The following PRKCB variants were observed in gnomAD, a reference collection of about 807,000 sequenced individuals.
The protein encoded by PRKCB is protein kinase C beta, also known as protein kinase C beta type.
Under a neutral mutation model 81.5 loss-of-function variants are expected in PRKCB, and 13 were observed. The ratio of observed to expected loss-of-function variants is 0.16; its 90% CI spans 0.10 to 0.25. The LOEUF is 0.25. Among genes scored for constraint, PRKCB ranks in the 10% least tolerant of loss-of-function variants. PRKCB has a pLI of 1.00. For missense variants in PRKCB, 509 were observed against 875.7 expected (o/e 0.58, Z 5.29); for synonymous variants, 335 against 321.4 (o/e 1.04, Z -0.45).
At chr16:24,135,030 A>G (rs115265897) in intron 9 of PRKCB, among the ~76,000 whole-genome samples, 1,951 of 152,206 alleles carry the variant, frequency 0.013, 59 homozygotes, top group African/African-American at 0.045. Context: ...TTAATATTAC[A>G]TATTAAAACA....
intron 5 of PRKCB, among the ~76,000 whole-genome samples, chr16:24,083,782 A>G (rs987788955): frequency 6.6e-6 from 1 of 152,214 alleles, no homozygotes; most frequent in African/African-American, 2.4e-5. Flanking sequence ...CTATACATGC[A>G]TTAAAATGTA....
chr16:24,056,558 G>T (rs892500851), intron 5 of PRKCB, among the ~76,000 whole-genome samples: 1 of 152,170 alleles, frequency 6.6e-6, no homozygotes, highest in Non-Finnish European at 1.5e-5. Context: ...GGAGGTGCTT[G>T]GGCCATTTTT....
At chr16:23,874,350 A>T (rs1368107759) in intron 2 of PRKCB, among the ~76,000 whole-genome samples, 3 of 152,196 alleles carry the variant, frequency 2.0e-5, no homozygotes, top group Non-Finnish European at 4.4e-5. Context: ...AGTAGAGATG[A>T]ACCATCACAT....
At chr16:23,859,784 G>A (rs112782744) in intron 2 of PRKCB, among the ~76,000 whole-genome samples, 1 of 149,196 alleles carries the variant, frequency 6.7e-6, no homozygotes, top group African/African-American at 2.6e-5. Context: ...GAAAAGGCAG[G>A]AAACTTTAAA....
chr16:23,885,637 C>G (rs575542872), intron 2 of PRKCB, among the ~76,000 whole-genome samples: 5 of 152,130 alleles, frequency 3.3e-5, no homozygotes, highest in Non-Finnish European at 7.4e-5. Flanking sequence ...TCTTTGCCCC[C>G]TTTTCTGGCA....
chr16:23,847,072 T>TA (rs1210066339), intron 2 of PRKCB, among the ~76,000 whole-genome samples: 1 of 152,070 alleles, frequency 6.6e-6, no homozygotes, highest in Non-Finnish European at 1.5e-5. Context: ...ACTGGCTAAG[T>TA]AGATGGAAAT....
chr16:23,935,153 A>G (rs1212639988), intron 2 of PRKCB, among the ~76,000 whole-genome samples: 2 of 152,152 alleles, frequency 1.3e-5, no homozygotes. Flanking sequence ...CAGTGGCTGC[A>G]GCTTGGAGTG....
intron 4 of PRKCB, among the ~76,000 whole-genome samples, chr16:24,033,940 C>A (rs1054636790): frequency 6.6e-6 from 1 of 151,988 alleles, no homozygotes; most frequent in Middle Eastern, 3.4e-3. Context: ...AAGGGAGAGA[C>A]AAAGAGGCCA....
intron 3 of PRKCB, among the ~76,000 whole-genome samples, chr16:24,024,683 G>A (rs1209470256): frequency 6.6e-6 from 1 of 152,180 alleles, no homozygotes; most frequent in Non-Finnish European, 1.5e-5. Context: ...CTGATTACCT[G>A]TGTCCCAGCC....
chr16:24,014,306 G>A (rs1254169523), intron 3 of PRKCB, among the ~76,000 whole-genome samples: 1 of 152,178 alleles, frequency 6.6e-6, no homozygotes, highest in Non-Finnish European at 1.5e-5. Flanking sequence ...GTGTGGTTTT[G>A]TGGGTGATGG....
chr16:24,009,459 C>G (rs879880990), intron 3 of PRKCB, among the ~76,000 whole-genome samples: 8 of 146,474 alleles, frequency 5.5e-5, no homozygotes, highest in Admixed American at 3.4e-4. Context: ...GAGTCTTGCT[C>G]TGTTGCCCAG....
At chr16:24,021,289 CCCTCCCTT>C in intron 3 of PRKCB, among the ~76,000 whole-genome samples, 1 of 51,544 alleles carries the variant, frequency 1.9e-5, no homozygotes, top group Non-Finnish European at 3.5e-5. Flanking sequence ...TTCTCCCTCT[CCCTCCCTT>C]CCTTCCTTCC....
chr16:23,986,585 C>T (rs998094356), intron 2 of PRKCB, among the ~76,000 whole-genome samples: 3 of 152,074 alleles, frequency 2.0e-5, no homozygotes, highest in Non-Finnish European at 4.4e-5. Context: ...ATTGTTAACA[C>T]GTATATTTAA....
intron 12 of PRKCB, among the ~76,000 whole-genome samples, chr16:24,177,541 A>G (rs1051597141): frequency 2.0e-5 from 3 of 152,240 alleles, no homozygotes. Context: ...GCAGGCACAC[A>G]ACCCAAGCTC....
At chr16:24,115,696 C>G (rs1966729988) in intron 8 of PRKCB, among the ~76,000 whole-genome samples, 1 of 152,014 alleles carries the variant, frequency 6.6e-6, no homozygotes, top group African/African-American at 2.4e-5. Context: ...AGCATTTACC[C>G]AAGAGCATTT....
In PRKCB at chr16:24,220,044, C is replaced by T. The variant is rs756874692; in HGVS notation, c.*5228C>T. 6.2e-7 allele frequency: 1 copy of T among 1,614,196 alleles called. No individual in the cohort carries two copies. The highest frequency in any genetic ancestry group is 8.5e-7 in the Non-Finnish European group (1 of 1,180,016). The stretch of plus-strand genomic sequence containing the variant: ...TGACCCCCACTGATAAACTCTTCAT[C>T]ATGAACTTGGACCAAAATGAATTTG... On this transcript the variant is annotated 3_prime_UTR_variant, in exon 17 of 17. Coordinates refer to ENST00000643927, the MANE Select transcript of PRKCB (RefSeq NM_002738.7).
intron 2 of PRKCB, chr16:23,893,668 C>G (rs910774716): frequency 7.9e-5 from 12 of 152,214 alleles, no homozygotes; most frequent in Non-Finnish European, 1.6e-4. Flanking sequence ...CAAGAGTACT[C>G]TCACACCATA....
intron 2 of PRKCB, among the ~76,000 whole-genome samples, chr16:23,865,770 C>T (rs762823252): frequency 1.2e-3 from 187 of 151,502 alleles, no homozygotes; most frequent in Non-Finnish European, 2.3e-3. Flanking sequence ...AGATTGGATC[C>T]TTTATGCTTA....
intron 3 of PRKCB, among the ~76,000 whole-genome samples, chr16:24,012,524 A>T (rs1310330968): frequency 6.6e-6 from 1 of 152,152 alleles, no homozygotes; most frequent in Non-Finnish European, 1.5e-5. Flanking sequence ...TCACTGGCCT[A>T]CCCTTTCCAC....
Sources: allele counts gnomAD v4.1 joint callset (sites outside exome capture counted in the v4.1 genomes callset), GRCh38; gene constraint gnomAD v4.1.1; transcripts MANE v1.5; gene names NCBI Gene and HGNC (gene_info 2026-07-23, HGNC 2026-07-21).